The following PDZD2 variants were observed in gnomAD, a reference collection of about 807,000 sequenced individuals.
PDZD2 encodes the protein PDZ domain-containing protein 2.
Under a neutral mutation model 220.7 loss-of-function variants are expected in PDZD2, and 90 were observed. The observed-to-expected ratio is 0.41, with a 90% CI of 0.34 to 0.49. The LOEUF is 0.49. PDZD2 is among the 20% of genes least tolerant of loss of function. The pLI is 0.28. For missense variants in PDZD2, 3,174 were observed against 3,608.5 expected (o/e 0.88, Z 3.08); for synonymous variants, 1,375 against 1,450.5 (o/e 0.95, Z 1.18).
At chr5:31,984,164 G>C (rs1454692994) in intron 3 of PDZD2, among the ~76,000 whole-genome samples, 1 of 152,172 alleles carries the variant, frequency 6.6e-6, no homozygotes, top group Non-Finnish European at 1.5e-5. Context: ...CAAAATTAGT[G>C]ATGTTTTCAT....
intron 2 of PDZD2, among the ~76,000 whole-genome samples, chr5:31,819,957 C>T (rs1755728602): frequency 6.6e-6 from 1 of 152,238 alleles, no homozygotes; most frequent in East Asian, 1.9e-4. Context: ...TGGGTGGGTT[C>T]AGTCACTTGA....
chr5:31,726,030 T>C (rs1749112699), intron 1 of PDZD2: 1 of 357,968 alleles, frequency 2.8e-6, no homozygotes, highest in Admixed American at 4.6e-5. Context: ...GAAAGCGTGC[T>C]GAACCGAGAA....
intron 1 of PDZD2, among the ~76,000 whole-genome samples, chr5:31,762,422 G>C (rs960214358): frequency 2.0e-5 from 3 of 152,186 alleles, no homozygotes; most frequent in African/African-American, 7.2e-5. Context: ...CAAGTAGCTG[G>C]GATTACAGGC....
intron 1 of PDZD2, among the ~76,000 whole-genome samples, chr5:31,706,178 T>G (rs1747812597): frequency 6.6e-6 from 1 of 152,150 alleles, no homozygotes; most frequent in Non-Finnish European, 1.5e-5. Context: ...AAATATTTGT[T>G]GAATGAATGA....
intron 2 of PDZD2, among the ~76,000 whole-genome samples, chr5:31,835,799 GCATCTCTAA>G (rs1756912278): frequency 6.6e-6 from 1 of 152,142 alleles, no homozygotes; most frequent in African/African-American, 2.4e-5. Context: ...GGTAGGGTCA[GCATCTCTAA>G]CTAGCACAGC....
At position 32,088,073 on chromosome 5, in the gene PDZD2, A is replaced by G; in HGVS notation, c.4625A>G (p.Asp1542Gly). 1 of 1,614,164 alleles carries G rather than the reference A, an allele frequency of 6.2e-7. No individual in the cohort carries two copies. The highest frequency in any genetic ancestry group is 8.5e-7 in the Non-Finnish European group (1 of 1,179,970). Residue 1542 changes from aspartate to glycine, a missense_variant, in exon 20 of 25, where the codon GAC becomes GGC. This residue lies in a region of PDZD2 where 1,861 missense variants were observed against 2,001.0 expected (regional missense o/e 0.93). Coordinates refer to ENST00000438447, the MANE Select transcript of PDZD2 (RefSeq NM_178140.4). The surrounding 1 kb of genome is among the most constrained non-coding windows in gnomAD (Gnocchi z 4.6). The stretch of plus-strand genomic sequence containing the variant: ...AGCACCTCCCTATCAGGCCTGGGTG[A>G]CAGCACGGAGCCGTCTCTGTCATCC... The part of the protein sequence containing the change: ...EDSTSLSGLG[D>G]STEPSLSSMY...
At chr5:32,105,341 T>TTAATC (rs1744664362) in intron 24 of PDZD2, among the ~76,000 whole-genome samples, 1 of 152,216 alleles carries the variant, frequency 6.6e-6, no homozygotes, top group Non-Finnish European at 1.5e-5. Flanking sequence ...AATCATTCTT[T>TTAATC]TAATCTATCA....
intron 2 of PDZD2, among the ~76,000 whole-genome samples, chr5:31,906,091 G>A (rs1212247542): frequency 1.4e-5 from 2 of 144,536 alleles, no homozygotes; most frequent in African/African-American, 2.5e-5. Context: ...GCACCGTCTC[G>A]GCTTACTACA....
At chr5:31,689,348 TA>T (rs1452230433) in intron 1 of PDZD2, among the ~76,000 whole-genome samples, 7 of 62,472 alleles carry the variant, frequency 1.1e-4, no homozygotes, top group African/African-American at 5.8e-4. Context: ...TATATATATA[TA>T]TATATTTTTT....
chr5:31,973,347 AGTGAAACTTT>A (rs1453121652), intron 2 of PDZD2, among the ~76,000 whole-genome samples: 2 of 152,236 alleles, frequency 1.3e-5, no homozygotes, highest in Admixed American at 6.5e-5. Flanking sequence ...TCAATATGAA[AGTGAAACTTT>A]GTTGCATGGA....
chr5:31,652,398 G>A (rs1745387205), intron 1 of PDZD2, among the ~76,000 whole-genome samples: 1 of 152,166 alleles, frequency 6.6e-6, no homozygotes, highest in South Asian at 2.1e-4. Context: ...GATAGGAGAT[G>A]GGTGCTTTCC....
In PDZD2 at chr5:32,059,261, T is replaced by G; in HGVS notation, c.2223T>G (p.Ile741Met). The change falls in exon 13 of 25, where the codon ATT becomes ATG. Residue 741 changes from isoleucine to methionine, a missense_variant. Coordinates refer to ENST00000438447, the MANE Select transcript of PDZD2 (RefSeq NM_178140.4). ...LNKEPRVGLG[I>M]GACCLALENS... is the part of the protein sequence containing the mutation. ...CAGAGCCAAGAGTTGGATTAGGCAT[T>G]GGTGCCTGCTGCTTGGCTCTGGAAA... The G allele has an allele frequency of 6.2e-7, 1 of 1,611,162 alleles. No individual in the cohort carries two copies. The highest frequency in any genetic ancestry group is 8.5e-7 in the Non-Finnish European group (1 of 1,177,274).
chr5:31,676,563 T>C (rs1337466250), intron 1 of PDZD2, among the ~76,000 whole-genome samples: 1 of 144,828 alleles, frequency 6.9e-6, no homozygotes, highest in African/African-American at 2.7e-5. Flanking sequence ...ATTTCTTTGC[T>C]TTCTCTTTTT....
chr5:32,003,439 TAC>T (rs1408821617), intron 5 of PDZD2, among the ~76,000 whole-genome samples: 1 of 16,948 alleles, frequency 5.9e-5, no homozygotes, highest in Non-Finnish European at 1.1e-4. Flanking sequence ...ACACACACCC[TAC>T]ACACTCCCCC....
rs560774252 is a variant in PDZD2 at position 31,647,220 on chromosome 5, A to C, written c.-361+7783A>C. Among the ~76,000 whole-genome samples, 45 of 152,302 alleles carry C rather than the reference A, an allele frequency of 3.0e-4. No homozygotes were observed. The South Asian group carries it at 8.9e-3, about 30-fold the overall frequency. ...CAGGATCCAGTACAATGCCTAGTAC[A>C]TGGGTAAAAATTAAAATTATTTGAA... On this transcript the variant is annotated intron_variant, in intron 1 of 24. Coordinates refer to ENST00000438447, the MANE Select transcript of PDZD2 (RefSeq NM_178140.4).
chr5:31,651,373 T>C (rs1453301647), intron 1 of PDZD2, among the ~76,000 whole-genome samples: 1 of 152,224 alleles, frequency 6.6e-6, no homozygotes, highest in Non-Finnish European at 1.5e-5. Flanking sequence ...GCCCGAGGAT[T>C]GTGCATGTAA....
chr5:31,780,254 G>T (rs1300011496), intron 1 of PDZD2, among the ~76,000 whole-genome samples: 1 of 152,032 alleles, frequency 6.6e-6, no homozygotes, highest in Non-Finnish European at 1.5e-5. Context: ...GGGGTGGGGG[G>T]TGGAGTCGGC....
In PDZD2 at chr5:32,023,524, G is replaced by A. The variant is rs114139184; in HGVS notation, c.1407+13042G>A. The stretch of plus-strand genomic sequence containing the variant: ...TAGCAAAGTATGTACATTTTAAACA[G>A]AGAATCCTTCTTAAAGAGTTTATCT... On this transcript the variant is annotated intron_variant, in intron 6 of 24. Coordinates refer to ENST00000438447, the MANE Select transcript of PDZD2 (RefSeq NM_178140.4). Among the ~76,000 whole-genome samples the A allele has an allele frequency of 8.2e-3, 1,252 of 152,304 alleles. 8 individuals are homozygous for A. Among genetic ancestry groups the A allele is most frequent in the Non-Finnish European group, 0.011 (761 of 68,028 alleles).
chr5:31,999,595 TG>T (rs1186568016), intron 4 of PDZD2, among the ~76,000 whole-genome samples: 5 of 152,172 alleles, frequency 3.3e-5, no homozygotes, highest in African/African-American at 1.2e-4. Flanking sequence ...CTCTGGGACC[TG>T]TAACTCTGTT....
Sources: gnomAD v4.1 joint callset for allele counts (sites outside exome capture counted in the v4.1 genomes callset) on GRCh38, gnomAD v4.1.1 for gene constraint, gnomAD v4.1.1 regional missense constraint, Gnocchi (gnomAD v3.1) non-coding constraint, MANE v1.5 for transcripts, NCBI Gene and HGNC (gene_info 2026-07-23, HGNC 2026-07-21) for gene names.